DLGAP3: variants seen among roughly 807,000 people sequenced by gnomAD.
DLGAP3 encodes disks large-associated protein 3.
Under a neutral mutation model 81.2 loss-of-function variants are expected in DLGAP3, and 17 were observed. The ratio of observed to expected loss-of-function variants is 0.21; its 90% CI spans 0.14 to 0.31. The LOEUF (loss-of-function observed/expected upper bound fraction) is 0.31, where lower values mean the gene tolerates loss of function less well. Ranked by LOEUF, DLGAP3 falls within the 10% of genes least tolerant of loss-of-function variation. The probability of loss-of-function intolerance (pLI) is 1.00; values close to 1 mark genes in which losing one functional copy is unlikely to be tolerated. For synonymous variants in DLGAP3, 577 were observed against 587.4 expected, an observed-to-expected ratio of 0.98 and a Z score of 0.26; for missense variants, 1,124 against 1,388.0, an observed-to-expected ratio of 0.81 and a Z score of 3.02.
In DLGAP3 at chr1:34,913,936, G is replaced by A. The variant is rs144682967; in HGVS notation, c.-134-6499C>T. On this transcript the variant is annotated intron_variant, in intron 1 of 11. Coordinates refer to ENST00000373347, the MANE Select transcript of DLGAP3 (RefSeq NM_001080418.3). ...GATGGTTCTTTTCCAGTTGCATCTA[G>A]GTCTCCCCCAGATATGTCCCTCTGC... is the stretch of plus-strand genomic sequence containing the variant. Among the ~76,000 whole-genome samples the A allele has an allele frequency of 3.3e-4, 50 of 152,242 alleles. No homozygotes were observed. In the East Asian group the frequency reaches 8.7e-3, roughly 26 times the overall value.
chr1:34,878,901 T>C lies in DLGAP3; in HGVS notation c.2000+6077A>G, dbSNP rs376297698. Among the ~76,000 whole-genome samples, 5 of 151,978 alleles carry C rather than the reference T, an allele frequency of 3.3e-5. No homozygotes were observed. In the East Asian group the frequency reaches 9.7e-4, roughly 29 times the overall value. On this transcript the variant is annotated intron_variant, in intron 8 of 11. Coordinates refer to ENST00000373347, the MANE Select transcript of DLGAP3 (RefSeq NM_001080418.3). ...CTGGCTAACATGGTGAAATCCCGTC[T>C]CTACTAAAAATACAAAAAAAATTAG...
chr1:34,922,425 T>C (rs961556282), intron 1 of DLGAP3, among the ~76,000 whole-genome samples: 1 of 152,202 alleles, frequency 6.6e-6, no homozygotes, highest in African/African-American at 2.4e-5. Context: ...CTTGTGTACA[T>C]ATATTCATAT....
At chr1:34,883,242 A>G (rs1204334581) in intron 8 of DLGAP3, among the ~76,000 whole-genome samples, 1 of 152,234 alleles carries the variant, frequency 6.6e-6, no homozygotes, top group African/African-American at 2.4e-5. Flanking sequence ...GAAGCATTTA[A>G]CACAGTGCAT....
At chr1:34,892,898 C>T (rs1272185887) in intron 5 of DLGAP3, among the ~76,000 whole-genome samples, 4 of 152,244 alleles carry the variant, frequency 2.6e-5, no homozygotes, top group East Asian at 1.9e-4. Flanking sequence ...CACGGCCGGG[C>T]GCGGTGGCTC....
intron 5 of DLGAP3, among the ~76,000 whole-genome samples, chr1:34,898,990 G>T (rs967250600): frequency 6.6e-6 from 1 of 152,262 alleles, no homozygotes; most frequent in South Asian, 2.1e-4. Context: ...CTTGCTGGTG[G>T]TTCCTCAGGA....
In DLGAP3 at chr1:34,866,179, C is replaced by T. The variant is rs1638873436; in HGVS notation, c.2844G>A (p.Leu948=). 1.3e-6 allele frequency: 2 copies of T among 1,591,160 alleles called. No individual in the cohort carries two copies. The highest frequency in any genetic ancestry group is 1.7e-6 in the Non-Finnish European group (2 of 1,175,642). Residue 948 remains leucine, a synonymous_variant, in exon 12 of 12, where the codon CTG becomes CTA. Coordinates refer to ENST00000373347, the MANE Select transcript of DLGAP3 (RefSeq NM_001080418.3). ...GGAAGGAAGCGGCGCGCTTGGCCGC[C>T]AGGAGCCGCTTGCGCGCTTCCTGCC... ...RQRQEARKRL[L]AAKRAASFRH... is the part of the protein sequence containing the mutation.
chr1:34,885,366 T>G, intron 7 of DLGAP3, 112 bp downstream of exon 7: 3 of 1,255,782 alleles, frequency 2.4e-6, no homozygotes, highest in Non-Finnish European at 3.4e-6. Flanking sequence ...CACTTGCAGC[T>G]CAGGGCAAGC....
rs142123931 is a variant in DLGAP3 at position 34,866,107 on chromosome 1, G to A, written c.2916C>T (p.Ile972=). 3.0e-4 allele frequency: 477 copies of A among 1,600,032 alleles called. 3 individuals carry two copies. The African/African-American group carries it at 5.2e-3, about 18-fold the overall frequency. ...GTCACAGCCTGGTCTGGGCCTCGGG[G>A]ATGTAGATCTCGATGCTGTCGGCGC... is the stretch of plus-strand genomic sequence containing the variant. ...TESADSIEIY[I]PEAQTRL The change falls in exon 12 of 12, where the codon ATC becomes ATT. Residue 972 remains isoleucine, a synonymous_variant. Coordinates refer to ENST00000373347, the MANE Select transcript of DLGAP3 (RefSeq NM_001080418.3).
intron 8 of DLGAP3, among the ~76,000 whole-genome samples, chr1:34,876,455 G>A: frequency 6.6e-6 from 1 of 152,226 alleles, no homozygotes; most frequent in East Asian, 1.9e-4. Flanking sequence ...AATGGGGCTG[G>A]GCTGTGTGTG....
Position 34,870,312 on chromosome 1 carries a change from G to A in DLGAP3, c.2001-1223C>T, listed in dbSNP as rs1275714821. Reference sequence around the variant, plus strand: ...AAGTGGGAGTCAGGAGATGTGGGAGGTGGGGGATAAACAGAAGATCAAGGT... The same window carrying A: ...AAGTGGGAGTCAGGAGATGTGGGAGATGGGGGATAAACAGAAGATCAAGGT... On this transcript the variant is annotated intron_variant, in intron 8 of 11. Coordinates refer to ENST00000373347, the MANE Select transcript of DLGAP3 (RefSeq NM_001080418.3). Among the ~76,000 whole-genome samples, 3 of 152,144 alleles carry A rather than the reference G, an allele frequency of 2.0e-5. No individual in the cohort carries two copies. In the East Asian group the frequency reaches 5.8e-4, roughly 29 times the overall value.
intron 8 of DLGAP3, among the ~76,000 whole-genome samples, chr1:34,878,238 C>T (rs760367580): frequency 6.6e-6 from 1 of 151,950 alleles, no homozygotes; most frequent in Non-Finnish European, 1.5e-5. Context: ...ACCCAGGAAG[C>T]GAGGTTGCAG....
At position 34,868,767 on chromosome 1, in the gene DLGAP3, T is replaced by C. The variant is rs2148391805; in HGVS notation, c.2323A>G (p.Ile775Val). 6.2e-7 allele frequency: 1 copy of C among 1,600,356 alleles called. No individual in the cohort carries two copies. The highest frequency in any genetic ancestry group is 8.5e-7 in the Non-Finnish European group (1 of 1,176,210). ...GPGAGRRDSWIERGSRSLPDS... is the reference protein window; with the variant it reads ...GPGAGRRDSWVERGSRSLPDS... ...GGGAGGCTACGTGAACCGCGCTCTA[T>C]CCAGGAGTCACGGCGGCCGGCCCCA... Residue 775 changes from isoleucine (I) to valine (V), a missense_variant, in exon 9 of 12, where the codon ATA becomes GTA. Physicochemically the swap from Ile to Val is conservative, Grantham distance 29 (BLOSUM62 3). This residue lies in a region of DLGAP3 where 379 missense variants were observed against 455.7 expected (regional missense o/e 0.83). Coordinates refer to ENST00000373347, the MANE Select transcript of DLGAP3 (RefSeq NM_001080418.3). This position sits in a 1 kb window ranked among gnomAD's most constrained non-coding sequence, Gnocchi z 7.5.
At chr1:34,885,203 C>A in intron 7 of DLGAP3, 140 bp from the exon 8 acceptor site, 2 of 897,250 alleles carry the variant, frequency 2.2e-6, no homozygotes, top group Non-Finnish European at 3.5e-6. Context: ...GATGAGAGAC[C>A]CAGGCGGTCG....
intron 8 of DLGAP3, among the ~76,000 whole-genome samples, chr1:34,880,057 C>A (rs1024994545): frequency 2.0e-5 from 3 of 152,030 alleles, no homozygotes; most frequent in Non-Finnish European, 4.4e-5. Context: ...CTTTCCCCCC[C>A]TTTTCTTTCT....
Position 34,904,200 on chromosome 1 carries a change from A to G in DLGAP3, c.1107+77T>C. 6.4e-7 allele frequency: 1 copy of G among 1,572,208 alleles called. No individual in the cohort carries two copies. The highest frequency in any genetic ancestry group is 8.6e-7 in the Non-Finnish European group (1 of 1,156,342). On this transcript the variant is annotated intron_variant, in intron 3 of 11. Coordinates refer to ENST00000373347, the MANE Select transcript of DLGAP3 (RefSeq NM_001080418.3). This position sits in a 1 kb window ranked among gnomAD's most constrained non-coding sequence, Gnocchi z 8.1. The stretch of plus-strand genomic sequence containing the variant: ...CACAGGGACAGCTGGCTCCCACCCA[A>G]CCCTTTCCACTGCTCCCTAGTTGAC...
At chr1:34,879,319 T>A (rs1206626333) in intron 8 of DLGAP3, among the ~76,000 whole-genome samples, 1 of 152,118 alleles carries the variant, frequency 6.6e-6, no homozygotes, top group Non-Finnish European at 1.5e-5. Context: ...AAACATTAGA[T>A]TCTCATAAGG....
At position 34,902,274 on chromosome 1, in the gene DLGAP3, A is replaced by G. The variant is rs77777668; in HGVS notation, c.1108-2001T>C. ...TCAGGGACAGCATAGGGTTCAGGGG[A>G]AAGGTGGAGACTCTGGGGATGAGAT... On this transcript the variant is annotated intron_variant, in intron 3 of 11. Coordinates refer to ENST00000373347, the MANE Select transcript of DLGAP3 (RefSeq NM_001080418.3). The surrounding 1 kb of genome is among the most constrained non-coding windows in gnomAD (Gnocchi z 4.4). Among the ~76,000 whole-genome samples the G allele has an allele frequency of 0.014, 2,205 of 152,126 alleles. 68 individuals carry two copies. The highest frequency in any genetic ancestry group is 0.051 in the African/African-American group (2,097 of 41,470).
chr1:34,890,779 AC>A (rs1639298519), intron 5 of DLGAP3, among the ~76,000 whole-genome samples: 2 of 152,218 alleles, frequency 1.3e-5, no homozygotes, highest in Non-Finnish European at 2.9e-5. Flanking sequence ...ACTTTGTGAG[AC>A]ACTTGACCCA....
At chr1:34,926,422 G>A (rs545061108) in intron 1 of DLGAP3, among the ~76,000 whole-genome samples, 11 of 152,304 alleles carry the variant, frequency 7.2e-5, no homozygotes, top group East Asian at 5.8e-4. Flanking sequence ...CAGGAGGCCC[G>A]CTGAGCCAGC....
Sources: allele counts gnomAD v4.1 joint callset (sites outside exome capture counted in the v4.1 genomes callset), GRCh38; gene constraint gnomAD v4.1.1; regional missense constraint gnomAD v4.1.1; non-coding constraint Gnocchi (gnomAD v3.1); transcripts MANE v1.5; gene names NCBI Gene and HGNC (gene_info 2026-07-23, HGNC 2026-07-21).